Variants in TANGO6 observed in about 807,000 individuals in gnomAD.
TANGO6 encodes transport and Golgi organization protein 6 homolog.
A neutral mutation model predicts 114.2 loss-of-function variants in TANGO6; 90 were observed. That is an observed-to-expected ratio of 0.79 (90% CI 0.66 to 0.94). The LOEUF (loss-of-function observed/expected upper bound fraction) is 0.94, where lower values mean the gene tolerates loss of function less well. TANGO6 is among the 40% of genes least tolerant of loss of function. The pLI, the probability that TANGO6 is intolerant of heterozygous loss-of-function variation, is 0.00. For missense variants in TANGO6, 1,274 were observed against 1,315.3 expected (o/e 0.97, Z 0.49); for synonymous variants, 477 against 509.8 (o/e 0.94, Z 0.87).
At chr16:69,052,232 G>C (rs1214495367) in intron 17 of TANGO6, among the ~76,000 whole-genome samples, 1 of 149,244 alleles carries the variant, frequency 6.7e-6, no homozygotes, top group Admixed American at 6.7e-5. Flanking sequence ...GGGATTGCAG[G>C]TGTGTGCCAT....
At chr16:69,076,425 T>A (rs1017018002) in intron 17 of TANGO6, among the ~76,000 whole-genome samples, 1 of 152,122 alleles carries the variant, frequency 6.6e-6, no homozygotes, top group Non-Finnish European at 1.5e-5. Flanking sequence ...CGACCAACAC[T>A]GTCTACCTTT....
chr16:68,862,842 T>G, intron 2 of TANGO6, 103 bp from the exon 3 acceptor site: 1 of 790,802 alleles, frequency 1.3e-6, no homozygotes, highest in Non-Finnish European at 2.2e-6. Flanking sequence ...GAAGCCTTCT[T>G]TCCGCTCCTC....
At chr16:68,958,971 C>G (rs1963562535) in intron 14 of TANGO6, among the ~76,000 whole-genome samples, 1 of 152,132 alleles carries the variant, frequency 6.6e-6, no homozygotes, top group Non-Finnish European at 1.5e-5. Context: ...TGTTATATCT[C>G]ACTAAACACA....
chr16:68,921,317 G>T (rs1963089329), intron 12 of TANGO6, among the ~76,000 whole-genome samples: 1 of 151,252 alleles, frequency 6.6e-6, no homozygotes, highest in Non-Finnish European at 1.5e-5. Flanking sequence ...CAAGTAGCTG[G>T]GATTACAGGC....
At chr16:68,862,626 A>C (rs1280936520) in intron 2 of TANGO6, among the ~76,000 whole-genome samples, 1 of 152,212 alleles carries the variant, frequency 6.6e-6, no homozygotes. Flanking sequence ...AGAGCAGAAG[A>C]AAATGTGCAG....
rs987175440 is a variant in TANGO6, at chr16:69,078,233, G to A, written c.3109-5252G>A. Among the ~76,000 whole-genome samples the A allele has an allele frequency of 2.0e-5, 3 of 152,198 alleles. 1 individual carries two copies. The South Asian group carries it at 6.2e-4, about 31-fold the overall frequency. ...AGCACAGGCGGCCAGAGGGAGGCCC[G>A]CTGTGGGGAAGGGTCGGCCTGGGGA... On this transcript the variant is annotated intron_variant, in intron 17 of 17. Coordinates refer to ENST00000261778, the MANE Select transcript of TANGO6 (RefSeq NM_024562.2).
chr16:68,861,202 C>T (rs1962087417), intron 2 of TANGO6, among the ~76,000 whole-genome samples: 2 of 152,134 alleles, frequency 1.3e-5, no homozygotes, highest in African/African-American at 4.8e-5. Context: ...ACTACCCCCG[C>T]CATGAGAGGA....
chr16:68,996,346 T>C (rs1963989156), intron 15 of TANGO6, among the ~76,000 whole-genome samples: 1 of 152,198 alleles, frequency 6.6e-6, no homozygotes, highest in Non-Finnish European at 1.5e-5. Context: ...TTGACAGAAA[T>C]TGTAAACTGT....
intron 14 of TANGO6, among the ~76,000 whole-genome samples, chr16:68,931,786 T>A (rs534295654): frequency 1.3e-5 from 2 of 152,070 alleles, no homozygotes; most frequent in Non-Finnish European, 2.9e-5. Flanking sequence ...ATACAAGACT[T>A]CTTTTTGGGG....
At chr16:68,854,624 T>G (rs1051619962) in intron 1 of TANGO6, among the ~76,000 whole-genome samples, 2 of 151,946 alleles carry the variant, frequency 1.3e-5, no homozygotes, top group Admixed American at 6.6e-5. Context: ...CAAAGTTTTT[T>G]TTTTTTTTTT....
chr16:68,885,116 G>C lies in TANGO6; in HGVS notation c.1377+4486G>C, dbSNP rs182108897. 7.2e-5 allele frequency among the ~76,000 whole-genome samples: 11 copies of C among 152,302 alleles called. No individual in the cohort carries two copies. In the East Asian group the frequency reaches 2.1e-3, roughly 29 times the overall value. ...AACTTTCTGCTAATACTAAATTATA[G>C]AGTACAGCTCAAAGGCAGGAAATAA... On this transcript the variant is annotated intron_variant, in intron 7 of 17. Coordinates refer to ENST00000261778, the MANE Select transcript of TANGO6 (RefSeq NM_024562.2).
chr16:68,980,433 A>ATTTT (rs1170142167), intron 15 of TANGO6, among the ~76,000 whole-genome samples: 13 of 80,748 alleles, frequency 1.6e-4, no homozygotes, highest in African/African-American at 6.8e-4. Context: ...ATATATATAT[A>ATTTT]TATTTTTTTT....
At chr16:69,036,383 T>G (rs1288274558) in intron 16 of TANGO6, among the ~76,000 whole-genome samples, 2 of 152,202 alleles carry the variant, frequency 1.3e-5, no homozygotes, top group African/African-American at 4.8e-5. Context: ...AAGACCATAT[T>G]AAAATTCCGA....
At chr16:68,995,975 G>A (rs927408989) in intron 15 of TANGO6, among the ~76,000 whole-genome samples, 1 of 152,276 alleles carries the variant, frequency 6.6e-6, no homozygotes, top group South Asian at 2.1e-4. Context: ...AGACATATAA[G>A]TATTTTGCAG....
Position 68,958,998 on chromosome 16 carries a change from G to A in TANGO6, c.2702-15030G>A, listed in dbSNP as rs1030430722. ...CTAAACACAGGATTTTAACCTGAAG[G>A]GTTAATGTCAAGTTAACCCCTGTGT... On this transcript the variant is annotated intron_variant, in intron 14 of 17. Transcript: ENST00000261778. Among the ~76,000 whole-genome samples, 3 of 152,240 alleles carry A rather than the reference G, an allele frequency of 2.0e-5. No individual in the cohort carries two copies. The East Asian group carries it at 5.8e-4, about 29-fold the overall frequency.
chr16:68,887,736 G>A (rs1281087347), intron 7 of TANGO6, among the ~76,000 whole-genome samples: 2 of 152,020 alleles, frequency 1.3e-5, no homozygotes, highest in South Asian at 2.1e-4. Flanking sequence ...AAAATTAGCC[G>A]GGCGTGGTGG....
chr16:68,929,094 C>T (rs1314802698), intron 13 of TANGO6, among the ~76,000 whole-genome samples: 8 of 151,904 alleles, frequency 5.3e-5, no homozygotes, highest in Admixed American at 4.6e-4. Flanking sequence ...AATTTTTGTA[C>T]GTTTAGTTGA....
intron 1 of TANGO6, among the ~76,000 whole-genome samples, chr16:68,845,157 G>A (rs1455364254): frequency 3.9e-5 from 6 of 152,020 alleles, no homozygotes; most frequent in South Asian, 2.1e-4. Context: ...TAGTAGAGAC[G>A]GAGTTTTGCC....
At chr16:68,866,332 A>AAATAATGTCGGCCGGG (rs1962176699) in intron 3 of TANGO6, among the ~76,000 whole-genome samples, 1 of 152,164 alleles carries the variant, frequency 6.6e-6, no homozygotes, top group African/African-American at 2.4e-5. Flanking sequence ...GACTTTTAAA[A>AAATAATGTCGGCCGGG]AATAATGTCG....
Sources: allele counts gnomAD v4.1 joint callset (sites outside exome capture counted in the v4.1 genomes callset), GRCh38; gene constraint gnomAD v4.1.1; transcripts MANE v1.5; gene names NCBI Gene and HGNC (gene_info 2026-07-23, HGNC 2026-07-21).